Variants in APAF1 observed in about 807,000 individuals in gnomAD.
APAF1 encodes apoptotic peptidase activating factor 1.
A neutral mutation model predicts 152.4 loss-of-function variants in APAF1; 91 were observed. The ratio of observed to expected loss-of-function variants is 0.60; its 90% CI spans 0.50 to 0.71. The LOEUF (loss-of-function observed/expected upper bound fraction) is 0.71. Ranked by LOEUF, APAF1 falls within the 30% of genes least tolerant of loss-of-function variation. The pLI, the probability that APAF1 is intolerant of heterozygous loss-of-function variation, is 0.00. For missense variants in APAF1, 1,283 were observed against 1,472.0 expected (o/e 0.87, Z 2.10); for synonymous variants, 484 against 494.1 (o/e 0.98, Z 0.27).
At chr12:98,699,329 C>A in intron 16 of APAF1, 79 bp from the exon 17 acceptor site, 1 of 1,386,782 alleles carries the variant, frequency 7.2e-7, no homozygotes, top group Non-Finnish European at 1.0e-6. Flanking sequence ...GTTTATGTGG[C>A]ATTTAATTTA....
Position 98,653,719 on chromosome 12 carries a change from T to TATATATAG in APAF1, c.526+4040_526+4041insTAGATATA, listed in dbSNP as rs1305555429. Among the ~76,000 whole-genome samples the TATATATAG allele has an allele frequency of 2.9e-3, 310 of 108,110 alleles. 8 individuals carry two copies. Among genetic ancestry groups the TATATATAG allele is most frequent in the African/African-American group, 4.0e-3 (106 of 26,584 alleles). The allele number at this position is 108,110 out of a possible 152,430, so 70.9% of individuals were successfully genotyped here. ...ATATATATATATATATATATATATA[T>TATATATAG]ATATAGTTTTTAACTATTTATGTCT... On this transcript the variant is annotated intron_variant, in intron 4 of 26. Transcript: ENST00000551964.
At chr12:98,693,056 T>G (rs925770360) in intron 16 of APAF1, among the ~76,000 whole-genome samples, 4 of 150,278 alleles carry the variant, frequency 2.7e-5, no homozygotes, top group Admixed American at 2.7e-4. Context: ...GCATCTTTTA[T>G]TTTTTGACTA....
rs191436434 is a variant in APAF1 at position 98,730,421 on chromosome 12, C to T, written c.3601-1999C>T. 4.6e-3 allele frequency among the ~76,000 whole-genome samples: 697 copies of T among 152,330 alleles called. 3 individuals carry two copies. Among genetic ancestry groups the T allele is most frequent in the Middle Eastern group, 0.01 (3 of 294 alleles). On this transcript the variant is annotated intron_variant, in intron 26 of 26. Transcript: ENST00000551964. The stretch of plus-strand genomic sequence containing the variant: ...ACCACATCATTTGATTCTCTGGCCT[C>T]CACAGAATTCCATCACATAATTGAG...
chr12:98,648,161 C>T (rs2153303787), intron 1 of APAF1, among the ~76,000 whole-genome samples, 158 bp from the exon 2 acceptor site: 1 of 152,276 alleles, frequency 6.6e-6, no homozygotes, highest in Admixed American at 6.5e-5. Flanking sequence ...TGGCCATTTT[C>T]TCATACCTTT....
intron 3 of APAF1, chr12:98,649,228 A>G (rs2097645969): frequency 1.0e-6 from 1 of 984,136 alleles, no homozygotes; most frequent in South Asian, 4.7e-5. Flanking sequence ...ATGAAAAGTC[A>G]GGAAATAATT....
intron 20 of APAF1, among the ~76,000 whole-genome samples, chr12:98,709,055 T>C (rs2097724925): frequency 6.6e-6 from 1 of 152,158 alleles, no homozygotes; most frequent in Non-Finnish European, 1.5e-5. Context: ...TATGGAAGCA[T>C]TTTTAAAAGG....
chr12:98,688,493 A>G (rs1445306271), intron 16 of APAF1, among the ~76,000 whole-genome samples: 4 of 135,990 alleles, frequency 2.9e-5, no homozygotes, highest in Non-Finnish European at 4.6e-5. Context: ...TTTTTTGGAG[A>G]CAGAGTCTCA....
intron 22 of APAF1, among the ~76,000 whole-genome samples, chr12:98,718,897 G>A (rs567008140): frequency 2.4e-4 from 36 of 151,886 alleles, no homozygotes; most frequent in Non-Finnish European, 4.0e-4. Context: ...TCATGCTACC[G>A]CACTCCAGCC....
chr12:98,649,894 G>T (rs1055154898), intron 4 of APAF1, among the ~76,000 whole-genome samples: 1 of 152,144 alleles, frequency 6.6e-6, no homozygotes, highest in African/African-American at 2.4e-5. Flanking sequence ...TTTGGAGAAA[G>T]AATAAAAGTT....
intron 26 of APAF1, among the ~76,000 whole-genome samples, chr12:98,731,015 G>A (rs908145267): frequency 6.6e-6 from 1 of 152,206 alleles, no homozygotes; most frequent in South Asian, 2.1e-4. Context: ...ATAAATGGTG[G>A]TGTGCCATGA....
chr12:98,649,699 C>A lies in APAF1; in HGVS notation c.526+15C>A. The A allele has an allele frequency of 6.2e-7, 1 of 1,609,026 alleles. No homozygotes were observed. Among genetic ancestry groups the A allele is most frequent in the South Asian group, 1.1e-5 (1 of 90,794 alleles). On this transcript the variant is annotated intron_variant, in intron 4 of 26. Coordinates refer to ENST00000551964, the MANE Select transcript of APAF1 (RefSeq NM_181861.2). ...CCTTTTAGAAGGTAAGTGTCTTAGT[C>A]CATTTCATAGTCTAGTAAGGTAGAT...
intron 18 of APAF1, among the ~76,000 whole-genome samples, chr12:98,705,833 C>T (rs1329676891): frequency 1.3e-5 from 2 of 152,186 alleles, no homozygotes; most frequent in East Asian, 1.9e-4. Context: ...TGCTTTTGTT[C>T]ATCCTATTAT....
chr12:98,659,472 C>T, intron 5 of APAF1, 129 bp downstream of exon 5: 1 of 1,045,190 alleles, frequency 9.6e-7, no homozygotes, highest in Non-Finnish European at 1.5e-6. Context: ...ACCATTGCGG[C>T]CAGGTGCAGT....
intron 21 of APAF1, among the ~76,000 whole-genome samples, chr12:98,714,677 G>A (rs1295850024): frequency 6.6e-6 from 1 of 152,076 alleles, no homozygotes; most frequent in East Asian, 1.9e-4. Flanking sequence ...TTTTCAAGGG[G>A]CTTTTCTTCC....
At chr12:98,724,455 T>C (rs2097747519) in intron 24 of APAF1, among the ~76,000 whole-genome samples, 1 of 152,142 alleles carries the variant, frequency 6.6e-6, no homozygotes, top group Admixed American at 6.5e-5. Context: ...ACCACTTAGC[T>C]CCTCACCATC....
At chr12:98,687,092 C>T (rs186256361) in intron 16 of APAF1, among the ~76,000 whole-genome samples, 98 of 152,150 alleles carry the variant, frequency 6.4e-4, no homozygotes, top group Admixed American at 2.6e-3. Flanking sequence ...AGGCTGGGTG[C>T]GGTGGCTCAC....
At chr12:98,672,146 A>G (rs2097680943) in intron 12 of APAF1, among the ~76,000 whole-genome samples, 1 of 136,160 alleles carries the variant, frequency 7.3e-6, no homozygotes, top group South Asian at 2.5e-4. Flanking sequence ...TGCTGTTTCC[A>G]TGAAGATTTT....
chr12:98,671,673 C>CA lies in APAF1; in HGVS notation c.1748dup (p.Ala584GlyfsTer7), dbSNP rs764482629. Reference sequence around the variant, plus strand: ...AGAAGTTTATCAGCAAGCTAAGCTGCAGGCCAAGCAGGAGGTCGATAATGG... The same window carrying CA: ...AGAAGTTTATCAGCAAGCTAAGCTGCAAGGCCAAGCAGGAGGTCGATAATGG... On this transcript the variant is annotated frameshift_variant, in exon 12 of 27. Coordinates refer to ENST00000551964, the MANE Select transcript of APAF1 (RefSeq NM_181861.2). LOFTEE classifies it high-confidence loss of function. 6.2e-7 allele frequency: 1 copy of CA among 1,613,922 alleles called. No homozygotes were observed.
chr12:98,648,717 A>C lies in APAF1; in HGVS notation c.230A>C (p.His77Pro), dbSNP rs561566651. 6.2e-7 allele frequency: 1 copy of C among 1,613,768 alleles called. No individual in the cohort carries two copies. Among genetic ancestry groups the C allele is most frequent in the Non-Finnish European group, 8.5e-7 (1 of 1,179,694 alleles). ...GTATCATTCTACAATGCTCTACTAC[A>C]TGAAGGATATAAAGATCTTGCTGCC... ...SYVSFYNALLHEGYKDLAALL... is the reference protein window; with the variant it reads ...SYVSFYNALLPEGYKDLAALL... The change falls in exon 3 of 27, where the codon CAT becomes CCT. Residue 77 changes from histidine (H) to proline (P), a missense_variant. Coordinates refer to ENST00000551964, the MANE Select transcript of APAF1 (RefSeq NM_181861.2).
Sources: gnomAD v4.1 joint callset for allele counts (sites outside exome capture counted in the v4.1 genomes callset) on GRCh38, gnomAD v4.1.1 for gene constraint, MANE v1.5 for transcripts, NCBI Gene and HGNC (gene_info 2026-07-23, HGNC 2026-07-21) for gene names.